Variants in KCTD8 observed in about 807,000 individuals in gnomAD.
KCTD8 encodes the protein BTB/POZ domain-containing protein KCTD8.
Under a neutral mutation model 31.5 loss-of-function variants are expected in KCTD8, and 27 were observed. The observed-to-expected ratio is 0.86, with a 90% CI of 0.63 to 1.18. The LOEUF (loss-of-function observed/expected upper bound fraction) is 1.18, where lower values mean the gene tolerates loss of function less well. Ranked by LOEUF, KCTD8 falls within the 50% of genes most tolerant of loss-of-function variation. KCTD8 has a pLI of 0.00. For missense variants in KCTD8, 658 were observed against 647.7 expected (o/e 1.02, Z -0.17); for synonymous variants, 290 against 280.0 (o/e 1.04, Z -0.36).
At chr4:44,364,297 C>T (rs191753722) in intron 1 of KCTD8, among the ~76,000 whole-genome samples, 3 of 152,172 alleles carry the variant, frequency 2.0e-5, no homozygotes, top group African/African-American at 7.2e-5. Context: ...ACACCACACA[C>T]ACAAATATTA....
intron 1 of KCTD8, among the ~76,000 whole-genome samples, chr4:44,408,862 C>T (rs1184136486): frequency 6.6e-6 from 1 of 151,940 alleles, no homozygotes; most frequent in Non-Finnish European, 1.5e-5. Context: ...CATGATCTGC[C>T]CACCTCGGCC....
intron 1 of KCTD8, among the ~76,000 whole-genome samples, chr4:44,345,153 T>C (rs1577627517): frequency 6.6e-6 from 1 of 152,172 alleles, no homozygotes; most frequent in East Asian, 1.9e-4. Context: ...AGTAGTCTAG[T>C]ATTTAAGAAC....
At chr4:44,254,998 C>T in intron 1 of KCTD8, among the ~76,000 whole-genome samples, 1 of 151,818 alleles carries the variant, frequency 6.6e-6, no homozygotes, top group East Asian at 1.9e-4. Context: ...GGTTTCCACA[C>T]CCCAGAAATA....
chr4:44,266,813 G>T lies in KCTD8; in HGVS notation c.962-91563C>A, dbSNP rs1482650973. On this transcript the variant is annotated intron_variant, in intron 1 of 1. Coordinates refer to ENST00000360029, the MANE Select transcript of KCTD8 (RefSeq NM_198353.3). ...AGACAAAGAAGGCCATTACATAATG[G>T]TAAAGGGATCAATTCAACAAGAAGA... Among the ~76,000 whole-genome samples the T allele has an allele frequency of 3.3e-5, 5 of 152,078 alleles. No homozygotes were observed. The East Asian group carries it at 9.6e-4, about 29-fold the overall frequency.
At chr4:44,244,156 A>T (rs1715584090) in intron 1 of KCTD8, among the ~76,000 whole-genome samples, 1 of 152,172 alleles carries the variant, frequency 6.6e-6, no homozygotes, top group South Asian at 2.1e-4. Context: ...TTCCGAGGAG[A>T]CATTAACCAA....
intron 1 of KCTD8, among the ~76,000 whole-genome samples, chr4:44,364,043 T>C (rs1719567385): frequency 6.6e-6 from 1 of 152,092 alleles, no homozygotes; most frequent in African/African-American, 2.4e-5. Flanking sequence ...AGTCACTTTT[T>C]AGATACAACA....
intron 1 of KCTD8, among the ~76,000 whole-genome samples, chr4:44,349,345 TG>T (rs1719139399): frequency 6.6e-6 from 1 of 152,116 alleles, no homozygotes; most frequent in Non-Finnish European, 1.5e-5. Context: ...AAAACAGCAC[TG>T]GGCAGGGGGC....
intron 1 of KCTD8, among the ~76,000 whole-genome samples, chr4:44,267,720 T>G (rs942453941): frequency 8.5e-5 from 13 of 152,122 alleles, no homozygotes; most frequent in Non-Finnish European, 1.8e-4. Context: ...ATATCACCAC[T>G]GATCCCACAG....
At chr4:44,414,017 T>G (rs1721017138) in intron 1 of KCTD8, among the ~76,000 whole-genome samples, 1 of 152,148 alleles carries the variant, frequency 6.6e-6, no homozygotes, top group Non-Finnish European at 1.5e-5. Context: ...ATTGTCCCCT[T>G]GAGCCTCCAG....
intron 1 of KCTD8, among the ~76,000 whole-genome samples, chr4:44,318,294 A>G (rs1040050233): frequency 9.2e-5 from 14 of 152,160 alleles, no homozygotes; most frequent in African/African-American, 3.4e-4. Context: ...AAAGTGGTGC[A>G]ATGATAGCAC....
At chr4:44,237,969 A>G (rs538047037) in intron 1 of KCTD8, among the ~76,000 whole-genome samples, 1 of 152,316 alleles carries the variant, frequency 6.6e-6, no homozygotes, top group South Asian at 2.1e-4. Flanking sequence ...ACAACCTATT[A>G]AAAATAAGAA....
intron 1 of KCTD8, among the ~76,000 whole-genome samples, chr4:44,247,182 C>T (rs1019347560): frequency 7.2e-5 from 11 of 152,076 alleles, no homozygotes; most frequent in Non-Finnish European, 1.3e-4. Context: ...TCTTCCAATA[C>T]TTCTGCCTAG....
At chr4:44,241,159 G>A (rs1349560267) in intron 1 of KCTD8, among the ~76,000 whole-genome samples, 5 of 152,146 alleles carry the variant, frequency 3.3e-5, no homozygotes, top group Non-Finnish European at 7.3e-5. Flanking sequence ...GCAAGCAGTG[G>A]TTGTGAGTTT....
At chr4:44,415,323 A>C (rs1402512334) in intron 1 of KCTD8, among the ~76,000 whole-genome samples, 1 of 152,170 alleles carries the variant, frequency 6.6e-6, no homozygotes, top group Non-Finnish European at 1.5e-5. Flanking sequence ...AGTAGAGCAA[A>C]AACATTTGAA....
At chr4:44,236,065 CTG>C (rs1715282285) in intron 1 of KCTD8, among the ~76,000 whole-genome samples, 1 of 152,140 alleles carries the variant, frequency 6.6e-6, no homozygotes, top group African/African-American at 2.4e-5. Context: ...AGCAGTTACC[CTG>C]ACTTGGAGAG....
At chr4:44,203,521 A>G (rs537238872) in intron 1 of KCTD8, among the ~76,000 whole-genome samples, 2 of 151,564 alleles carry the variant, frequency 1.3e-5, no homozygotes, top group Non-Finnish European at 2.9e-5. Flanking sequence ...AAAAGGAATA[A>G]AAAAATAAAT....
At chr4:44,182,689 C>T (rs1170171099) in intron 1 of KCTD8, among the ~76,000 whole-genome samples, 1 of 152,160 alleles carries the variant, frequency 6.6e-6, no homozygotes, top group Admixed American at 6.5e-5. Flanking sequence ...AAACCAGAGA[C>T]CTTTGTTCAC....
chr4:44,250,922 C>A (rs1013809678), intron 1 of KCTD8, among the ~76,000 whole-genome samples: 2 of 151,654 alleles, frequency 1.3e-5, no homozygotes, highest in East Asian at 3.9e-4. Flanking sequence ...TTCATGTACG[C>A]AAATGTAACA....
intron 1 of KCTD8, among the ~76,000 whole-genome samples, chr4:44,271,318 G>A (rs1349455546): frequency 6.6e-6 from 1 of 152,108 alleles, no homozygotes; most frequent in Non-Finnish European, 1.5e-5. Context: ...AATCAATCAT[G>A]ATAGAGATAT....
Sources: gnomAD v4.1 joint callset for allele counts (sites outside exome capture counted in the v4.1 genomes callset) on GRCh38, gnomAD v4.1.1 for gene constraint, MANE v1.5 for transcripts, NCBI Gene and HGNC (gene_info 2026-07-23, HGNC 2026-07-21) for gene names.